NKD1: variants seen among roughly 807,000 people sequenced by gnomAD.
NKD1 encodes the protein protein naked cuticle homolog 1.
In NKD1, 21 loss-of-function variants were observed where a neutral mutation model predicts 56.0. The observed-to-expected ratio is 0.38, with a 90% confidence interval of 0.27 to 0.54. NKD1 has a LOEUF of 0.54. Ranked by LOEUF, NKD1 falls within the 20% of genes least tolerant of loss-of-function variation. The pLI, the probability that NKD1 is intolerant of heterozygous loss-of-function variation, is 0.82. For synonymous variants in NKD1, 263 were observed against 265.7 expected (o/e 0.99, Z 0.10); for missense variants, 578 against 642.7 (o/e 0.90, Z 1.09).
Position 50,643,161 on chromosome 16 carries a change from A to T in NKD1, c.*9380A>T, listed in dbSNP as rs1357598725. 1.3e-5 allele frequency: 2 copies of T among 152,188 alleles called. No individual in the cohort carries two copies. Among genetic ancestry groups the T allele is most frequent in the Non-Finnish European group, 2.9e-5 (2 of 68,046 alleles). 9.4% of individuals were successfully genotyped at this position (152,188 alleles called of 1,614,324 possible). On this transcript the variant is annotated 3_prime_UTR_variant, in exon 10 of 10. Transcript: ENST00000268459. ...CCTTGCCCAACTCCTAAGCTGCAGG[A>T]TCGCTGAGGAGTCCACATTGCCATA... is the stretch of plus-strand genomic sequence containing the variant.
At chr16:50,605,768 A>C (rs1961693352) in intron 3 of NKD1, among the ~76,000 whole-genome samples, 1 of 152,230 alleles carries the variant, frequency 6.6e-6, no homozygotes, top group Admixed American at 6.5e-5. Flanking sequence ...TTTTGGAACC[A>C]GTCGCCCACA....
chr16:50,608,248 G>A (rs756570446), intron 3 of NKD1, 46 bp from the exon 4 acceptor site: 7 of 1,364,874 alleles, frequency 5.1e-6, no homozygotes, highest in Middle Eastern at 1.8e-4. Context: ...CCCAGCACTG[G>A]GCTCCCCCAA....
chr16:50,579,253 C>G, intron 3 of NKD1, among the ~76,000 whole-genome samples: 1 of 149,428 alleles, frequency 6.7e-6, no homozygotes, highest in East Asian at 2.0e-4. Flanking sequence ...CTGCGGGCTA[C>G]CCGCTACACA....
intron 3 of NKD1, among the ~76,000 whole-genome samples, chr16:50,567,316 A>C (rs778559479): frequency 3.9e-4 from 59 of 152,210 alleles, no homozygotes; most frequent in Non-Finnish European, 1.2e-4. Flanking sequence ...TGTGTTCTGA[A>C]AGATTCCCAG....
intron 3 of NKD1, chr16:50,575,274 A>T (rs11645471): frequency 0.048 from 47,373 of 985,292 alleles, 1,680 homozygotes; most frequent in African/African-American, 0.17. Flanking sequence ...TTGGCACTAA[A>T]AGATTCACCA....
chr16:50,611,485 C>A (rs1463873463), intron 4 of NKD1, among the ~76,000 whole-genome samples: 1 of 151,752 alleles, frequency 6.6e-6, no homozygotes, highest in African/African-American at 2.4e-5. Flanking sequence ...GCTGCCCTCT[C>A]CCCACTGGCC....
rs1166890954 is a variant in NKD1 at position 50,633,860 on chromosome 16, ATTG to A, written c.*82_*84del. ...ACAAGGCATTATTATTCTATTAATT[ATTG>A]TTATTATGATGATTATTGTTATTAA... On this transcript the variant is annotated 3_prime_UTR_variant, in exon 10 of 10. Transcript: ENST00000268459. This position sits in a 1 kb window ranked among gnomAD's most constrained non-coding sequence, Gnocchi z 4.9. 5.5e-5 allele frequency: 36 copies of A among 652,536 alleles called. No homozygotes were observed. The South Asian group carries it at 6.3e-4, about 11-fold the overall frequency. 40.4% of individuals were successfully genotyped at this position (652,536 alleles called of 1,614,324 possible). A position where few individuals can be genotyped will look rare whatever the true frequency, so the allele number is the denominator to read the frequency against.
chr16:50,625,712 G>A, intron 6 of NKD1, 132 bp downstream of exon 6: 1 of 642,356 alleles, frequency 1.6e-6, no homozygotes, highest in Middle Eastern at 4.1e-4. Context: ...AACAGCCAGG[G>A]AGTTGCTGGG....
chr16:50,578,546 G>T lies in NKD1; in HGVS notation c.192+28991G>T, dbSNP rs534513831. Reference sequence around the variant, plus strand: ...TCCAGAAGATTCTGCCTCTTTTACTGTGCGGAGTGATGTTCCCCTGGGGAT... The same window carrying T: ...TCCAGAAGATTCTGCCTCTTTTACTTTGCGGAGTGATGTTCCCCTGGGGAT... On this transcript the variant is annotated intron_variant, in intron 3 of 9. Transcript: ENST00000268459. 2.0e-5 allele frequency among the ~76,000 whole-genome samples: 3 copies of T among 152,224 alleles called. No individual in the cohort carries two copies. The South Asian group carries it at 6.2e-4, about 32-fold the overall frequency.
At chr16:50,608,175 C>A in intron 3 of NKD1, 119 bp from the exon 4 acceptor site, 1 of 777,896 alleles carries the variant, frequency 1.3e-6, no homozygotes, top group Non-Finnish European at 2.3e-6. Flanking sequence ...GGATCTGCCT[C>A]AGTTGACCTG....
chr16:50,589,975 G>A (rs1961329293), intron 3 of NKD1, among the ~76,000 whole-genome samples: 1 of 151,944 alleles, frequency 6.6e-6, no homozygotes, highest in East Asian at 1.9e-4. Flanking sequence ...AGCCTCCTGA[G>A]TAGCTGGGAC....
intron 3 of NKD1, among the ~76,000 whole-genome samples, chr16:50,573,405 C>T (rs560235757): frequency 2.0e-5 from 3 of 152,360 alleles, no homozygotes; most frequent in African/African-American, 4.8e-5. Context: ...CAGGTTAAAG[C>T]GAGGCCCTTT....
At chr16:50,575,313 C>T (rs987603633) in intron 3 of NKD1, 55 of 985,180 alleles carry the variant, frequency 5.6e-5, no homozygotes, top group African/African-American at 1.7e-4. Flanking sequence ...GTTTTATAGG[C>T]GGGTGGTTCA....
chr16:50,612,834 C>T (rs997474276), intron 4 of NKD1, among the ~76,000 whole-genome samples: 1 of 152,146 alleles, frequency 6.6e-6, no homozygotes, highest in Non-Finnish European at 1.5e-5. Context: ...TGGTTCTGCC[C>T]AGATGGTTGG....
chr16:50,594,206 T>G (rs553421841), intron 3 of NKD1, among the ~76,000 whole-genome samples: 4 of 152,348 alleles, frequency 2.6e-5, no homozygotes, highest in African/African-American at 9.6e-5. Flanking sequence ...TCCATTTTTC[T>G]GCCTCTCAGG....
intron 4 of NKD1, among the ~76,000 whole-genome samples, chr16:50,609,882 G>GA (rs1342837614): frequency 6.6e-6 from 1 of 152,110 alleles, no homozygotes; most frequent in Non-Finnish European, 1.5e-5. Flanking sequence ...TCTTTTATGT[G>GA]AAAAAAAGGC....
chr16:50,629,662 G>T (rs1962300194), intron 6 of NKD1, among the ~76,000 whole-genome samples: 1 of 152,124 alleles, frequency 6.6e-6, no homozygotes, highest in African/African-American at 2.4e-5. Context: ...ACTTAGGGAG[G>T]CTGAGGCTGG....
chr16:50,625,672 G>A lies in NKD1; in HGVS notation c.462+92G>A, dbSNP rs944152796. On this transcript the variant is annotated intron_variant, in intron 6 of 9. Transcript: ENST00000268459. ...CCTGCCACTGCCACTTCTCTCCCCTGCATCGGTCCTGCCCCTCAGGGAAGG... is the reference window on the plus strand; with the variant it reads ...CCTGCCACTGCCACTTCTCTCCCCTACATCGGTCCTGCCCCTCAGGGAAGG... 16 of 804,376 alleles carry A rather than the reference G, an allele frequency of 2.0e-5. No homozygotes were observed. The Admixed American group carries it at 3.0e-4, about 15-fold the overall frequency. 49.8% of individuals were successfully genotyped at this position (804,376 alleles called of 1,614,324 possible).
chr16:50,618,801 G>A lies in NKD1; in HGVS notation c.260-2801G>A, dbSNP rs182329584. 5.4e-3 allele frequency among the ~76,000 whole-genome samples: 820 copies of A among 152,284 alleles called. 4 individuals carry two copies. The highest frequency in any genetic ancestry group is 0.017 in the Middle Eastern group (5 of 294). ...GTGGCTTTCTGAGCTGGGATGGGAT[G>A]AGGGAGCCACTGGTGAAGAGAGGAC... On this transcript the variant is annotated intron_variant, in intron 4 of 9. Coordinates refer to ENST00000268459, the MANE Select transcript of NKD1 (RefSeq NM_033119.5).
Sources: allele counts gnomAD v4.1 joint callset (sites outside exome capture counted in the v4.1 genomes callset), GRCh38; gene constraint gnomAD v4.1.1; non-coding constraint Gnocchi (gnomAD v3.1); transcripts MANE v1.5; gene names NCBI Gene and HGNC (gene_info 2026-07-23, HGNC 2026-07-21).